Variants in RALGAPA2 observed in about 807,000 individuals in gnomAD.
RALGAPA2 encodes ral GTPase-activating protein subunit alpha-2.
RALGAPA2 carries 139 observed loss-of-function variants against 230.4 expected under a neutral mutation model. The observed-to-expected ratio is 0.60, with a 90% CI of 0.53 to 0.69. RALGAPA2 has a LOEUF of 0.69. Among genes scored for constraint, RALGAPA2 ranks in the 30% least tolerant of loss-of-function variants. RALGAPA2 has a pLI of 0.00. For synonymous variants in RALGAPA2, 847 were observed against 837.8 expected (o/e 1.01, Z -0.19); for missense variants, 2,163 against 2,276.0 (o/e 0.95, Z 1.01).
At chr20:20,435,777 C>T (rs931876554) in intron 37 of RALGAPA2, among the ~76,000 whole-genome samples, 5 of 152,104 alleles carry the variant, frequency 3.3e-5, no homozygotes, top group East Asian at 1.9e-4. Flanking sequence ...CGAGGGACCC[C>T]GACACTGGGA....
intron 38 of RALGAPA2, among the ~76,000 whole-genome samples, chr20:20,403,039 G>T: frequency 6.6e-6 from 1 of 151,918 alleles, no homozygotes; most frequent in East Asian, 1.9e-4. Flanking sequence ...TTTCTCACAC[G>T]CCGCCTTTTC....
chr20:20,487,786 C>A (rs1388601195), intron 36 of RALGAPA2, among the ~76,000 whole-genome samples: 1 of 152,008 alleles, frequency 6.6e-6, no homozygotes, highest in Non-Finnish European at 1.5e-5. Context: ...GTGGCATACG[C>A]CTTTAGTCCC....
At chr20:20,600,188 C>A (rs145932439) in intron 16 of RALGAPA2, among the ~76,000 whole-genome samples, 2,656 of 151,928 alleles carry the variant, frequency 0.017, 34 homozygotes, top group Non-Finnish European at 0.028. Flanking sequence ...CCCAGCTACT[C>A]AGGAGGCTGA....
chr20:20,695,642 T>A (rs1416527628), intron 1 of RALGAPA2, among the ~76,000 whole-genome samples: 1 of 152,192 alleles, frequency 6.6e-6, no homozygotes, highest in Non-Finnish European at 1.5e-5. Flanking sequence ...CAAATGATTG[T>A]CCTCCTGTAT....
chr20:20,520,419 G>C (rs912960953), intron 31 of RALGAPA2, among the ~76,000 whole-genome samples: 2 of 152,126 alleles, frequency 1.3e-5, no homozygotes, highest in African/African-American at 4.8e-5. Flanking sequence ...CTCTGAAATG[G>C]ACTCTCTGCT....
chr20:20,479,046 C>A (rs895996773), intron 36 of RALGAPA2, among the ~76,000 whole-genome samples: 5 of 151,622 alleles, frequency 3.3e-5, no homozygotes, highest in African/African-American at 7.3e-5. Flanking sequence ...GATGAAATGG[C>A]CAAATGAGAA....
At chr20:20,667,120 G>T (rs1446613098) in intron 3 of RALGAPA2, among the ~76,000 whole-genome samples, 1 of 152,074 alleles carries the variant, frequency 6.6e-6, no homozygotes, top group East Asian at 1.9e-4. Flanking sequence ...CAAATTACTG[G>T]ATTGCATATA....
At chr20:20,553,430 T>A (rs140553798) in intron 23 of RALGAPA2, among the ~76,000 whole-genome samples, 81 of 152,192 alleles carry the variant, frequency 5.3e-4, no homozygotes, top group African/African-American at 1.9e-3. Flanking sequence ...TACACTCCTG[T>A]GGTCCTGGCT....
intron 38 of RALGAPA2, among the ~76,000 whole-genome samples, chr20:20,411,667 T>C (rs1443475531): frequency 6.6e-6 from 1 of 152,214 alleles, no homozygotes; most frequent in Non-Finnish European, 1.5e-5. Flanking sequence ...CGGCTTCCAC[T>C]GTGAGGAACT....
At chr20:20,561,875 A>G (rs930246782) in intron 23 of RALGAPA2, among the ~76,000 whole-genome samples, 4 of 152,186 alleles carry the variant, frequency 2.6e-5, no homozygotes, top group Non-Finnish European at 1.5e-5. Context: ...GTTTCTGTGC[A>G]CTACAGGATA....
chr20:20,695,140 T>C (rs901446919), intron 1 of RALGAPA2, among the ~76,000 whole-genome samples: 33 of 152,258 alleles, frequency 2.2e-4, no homozygotes, highest in Non-Finnish European at 3.7e-4. Context: ...AAACAATATA[T>C]AAAAGAGTAT....
chr20:20,478,047 G>A (rs2061690277), intron 36 of RALGAPA2, among the ~76,000 whole-genome samples: 1 of 152,146 alleles, frequency 6.6e-6, no homozygotes, highest in Non-Finnish European at 1.5e-5. Context: ...ATTTCTAGGG[G>A]TGGAAATTTT....
intron 37 of RALGAPA2, among the ~76,000 whole-genome samples, chr20:20,428,298 C>T (rs538873222): frequency 7.9e-5 from 12 of 152,150 alleles, no homozygotes; most frequent in Non-Finnish European, 1.3e-4. Flanking sequence ...ATTTAAGCCT[C>T]ATAGAGTCAC....
intron 3 of RALGAPA2, among the ~76,000 whole-genome samples, chr20:20,674,451 A>G (rs995157342): frequency 1.3e-5 from 2 of 152,208 alleles, no homozygotes; most frequent in African/African-American, 4.8e-5. Flanking sequence ...TCACATTAAC[A>G]AAACTCTCTT....
intron 37 of RALGAPA2, among the ~76,000 whole-genome samples, chr20:20,442,650 T>A (rs2060762901): frequency 6.6e-6 from 1 of 152,268 alleles, no homozygotes. Context: ...AGACTGGTAT[T>A]ACAATGTACG....
intron 34 of RALGAPA2, 151 bp downstream of exon 34, chr20:20,505,258 CAG>C (rs1302389785): frequency 1.1e-6 from 1 of 909,454 alleles, no homozygotes; most frequent in Non-Finnish European, 1.3e-6. Context: ...AAGCAACTAA[CAG>C]ATGTCAAATC....
chr20:20,484,170 T>C (rs1397566558), intron 36 of RALGAPA2, among the ~76,000 whole-genome samples: 1 of 152,248 alleles, frequency 6.6e-6, no homozygotes, highest in Admixed American at 6.5e-5. Flanking sequence ...GCTAAGATAT[T>C]GTACCAAAAG....
intron 37 of RALGAPA2, among the ~76,000 whole-genome samples, chr20:20,422,769 G>T (rs2060302912): frequency 6.6e-6 from 1 of 152,216 alleles, no homozygotes; most frequent in Non-Finnish European, 1.5e-5. Context: ...AGAAGACCAT[G>T]TGCCGCGACT....
rs2059582922 is a variant in RALGAPA2, at chr20:20,390,270, G to C, written c.*3019C>G. On this transcript the variant is annotated 3_prime_UTR_variant, in exon 40 of 40. Coordinates refer to ENST00000202677, the MANE Select transcript of RALGAPA2 (RefSeq NM_020343.4). ...CTGATCAATCAACCTATGTCACCAA[G>C]TTTGGGTCACCCCACTTCCCCAACA... 6.6e-6 allele frequency: 1 copy of C among 152,224 alleles called. No individual in the cohort carries two copies. The highest frequency in any genetic ancestry group is 2.4e-5 in the African/African-American group (1 of 41,456). 9.4% of individuals were successfully genotyped at this position (152,224 alleles called of 1,614,324 possible).
Sources: gnomAD v4.1 joint callset for allele counts (sites outside exome capture counted in the v4.1 genomes callset) on GRCh38, gnomAD v4.1.1 for gene constraint, MANE v1.5 for transcripts, NCBI Gene and HGNC (gene_info 2026-07-23, HGNC 2026-07-21) for gene names.